CRACDL: variants seen among roughly 807,000 people sequenced by gnomAD.
CRACDL encodes the protein CRACD like.
CRACDL carries 26 observed loss-of-function variants against 70.6 expected under a neutral mutation model. The ratio of observed to expected loss-of-function variants is 0.37; its 90% CI spans 0.27 to 0.51. The LOEUF is 0.51. Among genes scored for constraint, CRACDL ranks in the 20% least tolerant of loss-of-function variants. CRACDL has a pLI of 0.94. For missense variants in CRACDL, 1,283 were observed against 1,376.9 expected (o/e 0.93, Z 1.08); for synonymous variants, 618 against 615.2 (o/e 1.00, Z -0.07).
At chr2:98,839,465 G>T (rs1467887197) in intron 2 of CRACDL, among the ~76,000 whole-genome samples, 1 of 152,236 alleles carries the variant, frequency 6.6e-6, no homozygotes, top group African/African-American at 2.4e-5. Flanking sequence ...GACACCCTGT[G>T]GCTTTTGCCT....
At chr2:98,875,954 C>T (rs912468057) in intron 1 of CRACDL, among the ~76,000 whole-genome samples, 3 of 152,158 alleles carry the variant, frequency 2.0e-5, no homozygotes, top group Non-Finnish European at 2.9e-5. Context: ...CATGGCCTGC[C>T]GGCCTGCTTG....
intron 7 of CRACDL, among the ~76,000 whole-genome samples, chr2:98,805,018 A>G (rs1206038418): frequency 6.6e-6 from 1 of 152,082 alleles, no homozygotes; most frequent in African/African-American, 2.4e-5. Flanking sequence ...GACAGGAATG[A>G]TTTTTTTGAA....
chr2:98,857,710 C>A (rs920422172), intron 1 of CRACDL, among the ~76,000 whole-genome samples: 1 of 152,000 alleles, frequency 6.6e-6, no homozygotes. Context: ...ACCATACCAA[C>A]GACATTAAAT....
intron 1 of CRACDL, among the ~76,000 whole-genome samples, chr2:98,877,283 G>A (rs1366089343): frequency 6.6e-6 from 1 of 152,226 alleles, no homozygotes; most frequent in Non-Finnish European, 1.5e-5. Context: ...TGTGATCCAA[G>A]TGGTTTGGGC....
intron 2 of CRACDL, among the ~76,000 whole-genome samples, chr2:98,845,224 G>A (rs559705513): frequency 4.1e-5 from 6 of 148,128 alleles, no homozygotes; most frequent in African/African-American, 1.0e-4. Context: ...TGGAGGCAGG[G>A]TCTTGCTTGT....
chr2:98,821,989 G>A lies in CRACDL; in HGVS notation c.2284C>T (p.Leu762=), dbSNP rs760966168. 2.3e-5 allele frequency: 35 copies of A among 1,529,610 alleles called. No homozygotes were observed. Among genetic ancestry groups the A allele is most frequent in the Non-Finnish European group, 3.0e-5 (34 of 1,138,908 alleles). The allele number at this position is 1,529,610 out of a possible 1,614,324, so 94.8% of individuals were successfully genotyped here. A position where few individuals can be genotyped will look rare whatever the true frequency, so the allele number is the denominator to read the frequency against. The change falls in exon 7 of 10, where the codon CTG becomes TTG. Residue 762 remains leucine (L), a synonymous_variant. Transcript: ENST00000397899. ...PPEPLSSKPP[L]PRKPLLQSFT... is the part of the protein sequence containing the mutation. ...CTCTGCAGAAGCGGCTTCCGGGGCAGGGGCGGCTTGGAGCTGAGCGGCTCG... is the reference window on the plus strand; with the variant it reads ...CTCTGCAGAAGCGGCTTCCGGGGCAAGGGCGGCTTGGAGCTGAGCGGCTCG...
intron 1 of CRACDL, among the ~76,000 whole-genome samples, chr2:98,866,989 G>A (rs112964984): frequency 6.6e-6 from 1 of 152,154 alleles, no homozygotes; most frequent in East Asian, 1.9e-4. Flanking sequence ...CGGTTTGGGA[G>A]TAAAGGAATA....
intron 1 of CRACDL, among the ~76,000 whole-genome samples, chr2:98,870,236 T>C (rs1016072699): frequency 6.6e-6 from 1 of 152,214 alleles, no homozygotes; most frequent in African/African-American, 2.4e-5. Context: ...CGATTCTATG[T>C]TAGTAAAACT....
rs1325828600 is a variant in CRACDL at position 98,936,145 on chromosome 2, G to A, written c.-218C>T. ...GCGGGCGCTGACACTACCCTCCCGC[G>A]GCCGGCCCGGCCCTGCGCCCGGCGC... On this transcript the variant is annotated 5_prime_UTR_variant, in exon 1 of 10. Transcript: ENST00000397899. 3 of 151,096 alleles carry A rather than the reference G, an allele frequency of 2.0e-5. No individual in the cohort carries two copies. Among genetic ancestry groups the A allele is most frequent in the Admixed American group, 2.0e-4 (3 of 15,184 alleles). 9.4% of individuals were successfully genotyped at this position (151,096 alleles called of 1,614,324 possible). A position where few individuals can be genotyped will look rare whatever the true frequency, so the allele number is the denominator to read the frequency against.
At chr2:98,930,486 C>T (rs1218331865) in intron 1 of CRACDL, among the ~76,000 whole-genome samples, 1 of 122,742 alleles carries the variant, frequency 8.1e-6, no homozygotes, top group African/African-American at 3.2e-5. Flanking sequence ...CCGTCCCCAC[C>T]CTCTGTCCTG....
intron 1 of CRACDL, among the ~76,000 whole-genome samples, chr2:98,911,103 G>A (rs966487343): frequency 3.9e-5 from 6 of 152,302 alleles, no homozygotes; most frequent in Admixed American, 3.9e-4. Context: ...CGAACTGAGA[G>A]GTGAGAGACC....
chr2:98,812,265 G>A (rs376881234), intron 7 of CRACDL, among the ~76,000 whole-genome samples: 182 of 152,288 alleles, frequency 1.2e-3, no homozygotes, highest in African/African-American at 3.9e-3. Context: ...GTGAGCCACC[G>A]CACCTGGCTG....
intron 1 of CRACDL, among the ~76,000 whole-genome samples, chr2:98,918,005 T>C (rs1193869788): frequency 1.3e-5 from 2 of 152,206 alleles, no homozygotes; most frequent in African/African-American, 4.8e-5. Context: ...TCACATTTTC[T>C]TTGTCCAATC....
intron 6 of CRACDL, among the ~76,000 whole-genome samples, chr2:98,826,289 C>T (rs944774675): frequency 1.3e-5 from 2 of 152,182 alleles, no homozygotes; most frequent in East Asian, 1.9e-4. Context: ...CAGTTGTCCA[C>T]GCTAGTGTTT....
At chr2:98,929,631 C>G (rs998043629) in intron 1 of CRACDL, among the ~76,000 whole-genome samples, 2 of 152,082 alleles carry the variant, frequency 1.3e-5, no homozygotes, top group Non-Finnish European at 2.9e-5. Context: ...CCAGGCACGG[C>G]AGGCTCCCCC....
At chr2:98,918,645 GA>G (rs1383788207) in intron 1 of CRACDL, among the ~76,000 whole-genome samples, 26 of 148,500 alleles carry the variant, frequency 1.8e-4, no homozygotes, top group African/African-American at 6.4e-4. Context: ...GCTATAAGAT[GA>G]TATCTCATTG....
At position 98,821,966 on chromosome 2, in the gene CRACDL, C is replaced by G; in HGVS notation, c.2307G>C (p.Gln769His). 1.9e-6 allele frequency: 3 copies of G among 1,538,848 alleles called. No individual in the cohort carries two copies. Among genetic ancestry groups the G allele is most frequent in the South Asian group, 1.2e-5 (1 of 83,226 alleles). ...CGGGCTGGTGCGGGAGCGTGAAGCT[C>G]TGCAGAAGCGGCTTCCGGGGCAGGG... ...KPPLPRKPLL[Q>H]SFTLPHQPAP... The change falls in exon 7 of 10, where the codon CAG becomes CAC. Residue 769 changes from glutamine (Q) to histidine (H), a missense_variant. This residue lies in a region of CRACDL where 921 missense variants were observed against 881.9 expected (regional missense o/e 1.04). Coordinates refer to ENST00000397899, the MANE Select transcript of CRACDL (RefSeq NM_207362.3).
chr2:98,811,465 A>G (rs965928199), intron 7 of CRACDL, among the ~76,000 whole-genome samples: 1 of 144,570 alleles, frequency 6.9e-6, no homozygotes, highest in African/African-American at 2.6e-5. Context: ...AGCCAAGATC[A>G]TGCCACTGCA....
intron 1 of CRACDL, among the ~76,000 whole-genome samples, chr2:98,928,125 C>CA (rs1216002197): frequency 6.6e-6 from 1 of 151,658 alleles, no homozygotes; most frequent in Non-Finnish European, 1.5e-5. Context: ...GTGGAGGTTG[C>CA]AGTGATCAGA....
Sources: gnomAD v4.1 joint callset for allele counts (sites outside exome capture counted in the v4.1 genomes callset) on GRCh38, gnomAD v4.1.1 for gene constraint, gnomAD v4.1.1 regional missense constraint, MANE v1.5 for transcripts, NCBI Gene and HGNC (gene_info 2026-07-23, HGNC 2026-07-21) for gene names.